The following MBNL2 variants were observed in gnomAD, a reference collection of about 807,000 sequenced individuals.
MBNL2 encodes muscleblind like splicing regulator 2.
Under a neutral mutation model 41.9 loss-of-function variants are expected in MBNL2, and 17 were observed. That is an observed-to-expected ratio of 0.41 (90% CI 0.28 to 0.61). The LOEUF is 0.61. Among genes scored for constraint, MBNL2 ranks in the 20% least tolerant of loss-of-function variants. The probability of loss-of-function intolerance (pLI) is 0.35; values close to 1 mark genes in which losing one functional copy is unlikely to be tolerated. For missense variants in MBNL2, 336 were observed against 505.6 expected (o/e 0.66, Z 3.22); for synonymous variants, 195 against 182.9 (o/e 1.07, Z -0.53).
chr13:97,361,639 G>A (rs2063398546), intron 7 of MBNL2, among the ~76,000 whole-genome samples: 1 of 152,014 alleles, frequency 6.6e-6, no homozygotes, highest in African/African-American at 2.4e-5. Flanking sequence ...GTGGCTACAG[G>A]AGCTGTGGAT....
chr13:97,388,314 C>CATATATAT (rs34389348), intron 8 of MBNL2, among the ~76,000 whole-genome samples: 1,502 of 139,654 alleles, frequency 0.011, 15 homozygotes, highest in Middle Eastern at 0.016. Flanking sequence ...TACATACATA[C>CATATATAT]ATATATATAT....
chr13:97,259,767 G>A (rs1157346247), intron 1 of MBNL2, among the ~76,000 whole-genome samples: 1 of 152,180 alleles, frequency 6.6e-6, no homozygotes, highest in African/African-American at 2.4e-5. Flanking sequence ...TGGAGTCCTA[G>A]CGTGCTGAAA....
intron 3 of MBNL2, among the ~76,000 whole-genome samples, chr13:97,342,395 CT>C (rs1438702956): frequency 6.6e-6 from 1 of 152,166 alleles, no homozygotes; most frequent in Non-Finnish European, 1.5e-5. Context: ...TCCAGAAAAC[CT>C]TTCAGGAAGG....
At chr13:97,197,288 A>G in the MBNL2 span, among the ~76,000 whole-genome samples, 1 of 152,182 alleles carries the variant, frequency 6.6e-6, no homozygotes, top group Non-Finnish European at 1.5e-5. Context: ...CTACACTTTT[A>G]CTAAATCAGA....
the MBNL2 span, among the ~76,000 whole-genome samples, chr13:97,189,951 G>A: frequency 1.3e-5 from 2 of 152,204 alleles, no homozygotes; most frequent in Non-Finnish European, 2.9e-5. Flanking sequence ...TTACAACGAC[G>A]AGGGAGAAAA....
rs139841929 is a variant in MBNL2, at chr13:97,341,568, G to A, written c.340-1448G>A. Among the ~76,000 whole-genome samples, 22 of 152,194 alleles carry A rather than the reference G, an allele frequency of 1.4e-4. No individual in the cohort carries two copies. The East Asian group carries it at 3.5e-3, about 24-fold the overall frequency. On this transcript the variant is annotated intron_variant, in intron 3 of 8. Coordinates refer to ENST00000679496, the MANE Select transcript of MBNL2 (RefSeq NM_001382683.1). ...ATTTCCCACATTCAGACCTCATATT[G>A]CAACTTTCTCCCAAAGTGGATTTTA...
the MBNL2 span, among the ~76,000 whole-genome samples, chr13:97,176,114 T>C: frequency 1.3e-5 from 2 of 152,190 alleles, no homozygotes. Context: ...CTCTCTTTTC[T>C]GCCAGGCAAA....
chr13:97,182,582 A>T, the MBNL2 span, among the ~76,000 whole-genome samples: 1 of 152,174 alleles, frequency 6.6e-6, no homozygotes, highest in Non-Finnish European at 1.5e-5. Flanking sequence ...CTAGGCTTGG[A>T]GATGAATGGG....
intron 2 of MBNL2, among the ~76,000 whole-genome samples, chr13:97,279,119 T>C (rs1469118010): frequency 6.6e-6 from 1 of 152,228 alleles, no homozygotes; most frequent in East Asian, 1.9e-4. Context: ...ATGACAATGA[T>C]AATTATGAAG....
intron 2 of MBNL2, among the ~76,000 whole-genome samples, chr13:97,291,919 T>TAAAAAAAAA (rs1594165236): frequency 1.4e-3 from 34 of 23,608 alleles, no homozygotes; most frequent in East Asian, 7.8e-3. Context: ...AAAAAAAAAG[T>TAAAAAAAAA]GGGCTGGGTG....
chr13:97,382,159 C>T (rs1209633119), intron 8 of MBNL2, among the ~76,000 whole-genome samples: 1 of 152,206 alleles, frequency 6.6e-6, no homozygotes, highest in Non-Finnish European at 1.5e-5. Flanking sequence ...CTTTAGTACA[C>T]ATACAGTCCC....
intron 3 of MBNL2, among the ~76,000 whole-genome samples, chr13:97,341,298 G>C (rs2061420251): frequency 6.6e-6 from 1 of 152,154 alleles, no homozygotes; most frequent in African/African-American, 2.4e-5. Flanking sequence ...TTCTGACAGA[G>C]CTAGTCCACT....
chr13:97,273,478 G>A (rs1050147242), intron 1 of MBNL2, among the ~76,000 whole-genome samples: 6 of 152,136 alleles, frequency 3.9e-5, no homozygotes, highest in East Asian at 1.9e-4. Flanking sequence ...TGAATGCAGC[G>A]TTGCCAAACA....
Position 97,357,538 on chromosome 13 carries a change from C to T in MBNL2, c.915C>T (p.Ser305=). ...CAAAGAGACAAGCACTTGAAAAAAG[C>T]AATGGTACCAGCGCGGTCTTTAACC... is the stretch of plus-strand genomic sequence containing the variant. ...PLPKRQALEK[S]NGTSAVFNPS... Residue 305 remains serine (S), a synonymous_variant, in exon 7 of 9, where the codon AGC becomes AGT. Transcript: ENST00000679496. 6.2e-7 allele frequency: 1 copy of T among 1,614,094 alleles called. No homozygotes were observed. Among genetic ancestry groups the T allele is most frequent in the East Asian group, 2.2e-5 (1 of 44,882 alleles).
At chr13:97,152,407 A>G in the MBNL2 span, among the ~76,000 whole-genome samples, 1 of 152,204 alleles carries the variant, frequency 6.6e-6, no homozygotes, top group Non-Finnish European at 1.5e-5. Flanking sequence ...AAAATTTTGA[A>G]AAGTGAAGTA....
intron 2 of MBNL2, among the ~76,000 whole-genome samples, chr13:97,283,590 T>C (rs1036490792): frequency 4.6e-5 from 7 of 152,200 alleles, no homozygotes; most frequent in Non-Finnish European, 8.8e-5. Flanking sequence ...CAGGAAAGTA[T>C]CCATACTCAC....
the MBNL2 span, among the ~76,000 whole-genome samples, chr13:97,208,592 T>A: frequency 6.6e-6 from 1 of 152,150 alleles, no homozygotes. Context: ...GTAAAAAAAG[T>A]CTCAGTGGTA....
At chr13:97,195,525 T>C in the MBNL2 span, among the ~76,000 whole-genome samples, 1 of 152,220 alleles carries the variant, frequency 6.6e-6, no homozygotes, top group Non-Finnish European at 1.5e-5. Context: ...TATGCTTGTT[T>C]GTAAGGCTCT....
chr13:97,321,257 C>G (rs2059476140), intron 2 of MBNL2, among the ~76,000 whole-genome samples: 1 of 152,190 alleles, frequency 6.6e-6, no homozygotes, highest in Admixed American at 6.5e-5. Context: ...AGCAGCCAAT[C>G]AGAGTGCACC....
Sources: gnomAD v4.1 joint callset for allele counts (sites outside exome capture counted in the v4.1 genomes callset) on GRCh38, gnomAD v4.1.1 for gene constraint, MANE v1.5 for transcripts, NCBI Gene and HGNC (gene_info 2026-07-23, HGNC 2026-07-21) for gene names.